WIPF3: variants seen among roughly 807,000 people sequenced by gnomAD.
WIPF3 encodes WAS/WASL interacting protein family member 3.
Under a neutral mutation model 38.9 loss-of-function variants are expected in WIPF3, and 33 were observed. The ratio of observed to expected loss-of-function variants is 0.85; its 90% confidence interval spans 0.64 to 1.14. The LOEUF is 1.14. WIPF3 is among the 50% of genes most tolerant of loss of function. The pLI, the probability that WIPF3 is intolerant of heterozygous loss-of-function variation, is 0.00. For missense variants in WIPF3, 711 were observed against 652.5 expected (o/e 1.09, Z -0.98); for synonymous variants, 324 against 269.3 (o/e 1.20, Z -1.99).
At chr7:29,831,516 A>C (rs766754325) in intron 1 of WIPF3, among the ~76,000 whole-genome samples, 1 of 152,262 alleles carries the variant, frequency 6.6e-6, no homozygotes, top group Admixed American at 6.5e-5. Flanking sequence ...TGTGTTCATG[A>C]CAACTTTCTA....
chr7:29,888,506 T>C (rs71532969), intron 6 of WIPF3, among the ~76,000 whole-genome samples: 65,628 of 132,958 alleles, frequency 0.49, 15,582 homozygotes, highest in East Asian at 0.76. Flanking sequence ...TGTGCGTGTG[T>C]GTGCGTGTGT....
chr7:29,843,589 C>A (rs919923891), intron 2 of WIPF3, among the ~76,000 whole-genome samples: 1 of 152,168 alleles, frequency 6.6e-6, no homozygotes, highest in East Asian at 1.9e-4. Flanking sequence ...AATCTTCTGG[C>A]TCTTTGCCTT....
chr7:29,885,894 C>T (rs1426407755), intron 5 of WIPF3, among the ~76,000 whole-genome samples: 2 of 152,122 alleles, frequency 1.3e-5, no homozygotes, highest in African/African-American at 4.8e-5. Context: ...TAGGTTTCTT[C>T]AATTCTTTTT....
intron 1 of WIPF3, among the ~76,000 whole-genome samples, chr7:29,808,473 C>T (rs1183577040): frequency 2.0e-5 from 3 of 152,192 alleles, no homozygotes; most frequent in African/African-American, 7.2e-5. Context: ...GGGTAACAGC[C>T]TGGGCACACA....
chr7:29,875,564 T>C (rs1239747937), intron 2 of WIPF3, among the ~76,000 whole-genome samples: 1 of 152,036 alleles, frequency 6.6e-6, no homozygotes. Flanking sequence ...GGGGCTATGA[T>C]TTAGGGCTCC....
Position 29,914,555 on chromosome 7 carries a change from C to T in WIPF3, c.*39C>T. On this transcript the variant is annotated 3_prime_UTR_variant, in exon 9 of 9. Transcript: ENST00000242140. ...GCGAAGGTCCTGGGGTTCCAGGTTGCAGAACAACATGTCAGACCCCACCCA... is the reference window on the plus strand; with the variant it reads ...GCGAAGGTCCTGGGGTTCCAGGTTGTAGAACAACATGTCAGACCCCACCCA... The T allele has an allele frequency of 6.8e-7, 1 of 1,478,026 alleles. No homozygotes were observed. The highest frequency in any genetic ancestry group is 9.0e-7 in the Non-Finnish European group (1 of 1,109,128). The allele number at this position is 1,478,026 out of a possible 1,614,324, so 91.6% of individuals were successfully genotyped here.
At chr7:29,854,709 G>A (rs1187374072) in intron 2 of WIPF3, among the ~76,000 whole-genome samples, 8 of 152,190 alleles carry the variant, frequency 5.3e-5, no homozygotes, top group South Asian at 2.1e-4. Flanking sequence ...TGACTCGGTC[G>A]TAGACTCAGC....
chr7:29,874,436 CAG>C (rs773078401), intron 2 of WIPF3, among the ~76,000 whole-genome samples: 1 of 151,898 alleles, frequency 6.6e-6, no homozygotes, highest in South Asian at 2.1e-4. Context: ...ATAAATGTGA[CAG>C]AGGAAAAAGG....
chr7:29,811,780 A>G (rs1215456141), intron 1 of WIPF3, among the ~76,000 whole-genome samples: 1 of 152,228 alleles, frequency 6.6e-6, no homozygotes, highest in Non-Finnish European at 1.5e-5. Context: ...CCGGAGACAT[A>G]ATCCCACACA....
chr7:29,872,798 CAAAAAAAAA>C (rs61693654), intron 2 of WIPF3, among the ~76,000 whole-genome samples: 2 of 31,034 alleles, frequency 6.4e-5, no homozygotes, highest in Non-Finnish European at 1.0e-4. Flanking sequence ...GACTCCATCT[CAAAAAAAAA>C]AAAAAAAAAA....
At chr7:29,868,005 C>A (rs1456026468) in intron 2 of WIPF3, among the ~76,000 whole-genome samples, 1 of 151,958 alleles carries the variant, frequency 6.6e-6, no homozygotes, top group African/African-American at 2.4e-5. Flanking sequence ...AAATAAGAAG[C>A]AAGACCAATA....
intron 2 of WIPF3, among the ~76,000 whole-genome samples, chr7:29,840,819 C>T (rs990871041): frequency 6.6e-6 from 1 of 151,990 alleles, no homozygotes; most frequent in Non-Finnish European, 1.5e-5. Flanking sequence ...AGTGAATATA[C>T]TAAAAAGAAA....
Position 29,884,264 on chromosome 7 carries a change from T to TGGCCCCCCCCCCCC in WIPF3, c.770_771insGGCCCCCCCCCCCC (p.Pro258AlafsTer121). On this transcript the variant is annotated frameshift_variant, in exon 5 of 9. Transcript: ENST00000242140. LOFTEE classifies it high-confidence loss of function. ...AAGCCTCAGCTGGCTCCCTTGCACC[T>TGGCCCCCCCCCCCC]CCCGCCCATCCCGCCCCCGCTCCCT... 1 of 1,315,282 alleles carries TGGCCCCCCCCCCCC rather than the reference T, an allele frequency of 7.6e-7. No individual in the cohort carries two copies. The highest frequency in any genetic ancestry group is 1.3e-5 in the South Asian group (1 of 74,150). The allele number at this position is 1,315,282 out of a possible 1,614,324, so 81.5% of individuals were successfully genotyped here.
At position 29,914,790 on chromosome 7, in the gene WIPF3, G is replaced by A; in HGVS notation, c.*274G>A. ...ATAGAGCCCTGTCCCTCCACCTAGT[G>A]CCCACTCCATGACTGTGAATCTGCT... On this transcript the variant is annotated 3_prime_UTR_variant, in exon 9 of 9. Transcript: ENST00000242140. The A allele has an allele frequency of 3.9e-6, 1 of 259,428 alleles. No individual in the cohort carries two copies. The highest frequency in any genetic ancestry group is 7.3e-6 in the Non-Finnish European group (1 of 137,516). 16.1% of individuals were successfully genotyped at this position (259,428 alleles called of 1,614,324 possible).
At chr7:29,888,289 G>C in intron 6 of WIPF3, 72 bp downstream of exon 6, 1 of 1,524,900 alleles carries the variant, frequency 6.6e-7, no homozygotes, top group South Asian at 1.3e-5. Context: ...TGGAGAGAGA[G>C]TTTGCTGGCC....
chr7:29,904,952 T>C (rs1183108655), intron 8 of WIPF3: 1 of 152,534 alleles, frequency 6.6e-6, no homozygotes, highest in African/African-American at 2.4e-5. Flanking sequence ...CTGGACACAT[T>C]TCCCTGCACA....
intron 2 of WIPF3, among the ~76,000 whole-genome samples, chr7:29,838,733 A>G (rs901719873): frequency 1.2e-4 from 19 of 152,188 alleles, no homozygotes; most frequent in African/African-American, 4.6e-4. Flanking sequence ...TATCCAAGAG[A>G]AGTATGTGCC....
intron 1 of WIPF3, among the ~76,000 whole-genome samples, chr7:29,816,842 T>C (rs1326499046): frequency 4.6e-5 from 7 of 152,200 alleles, no homozygotes; most frequent in Non-Finnish European, 8.8e-5. Flanking sequence ...ATGCTGCAAG[T>C]TTTGTCACTG....
At chr7:29,881,074 A>G (rs567789892) in intron 4 of WIPF3, among the ~76,000 whole-genome samples, 1 of 152,132 alleles carries the variant, frequency 6.6e-6, no homozygotes, top group Non-Finnish European at 1.5e-5. Context: ...GCAGGTGTCC[A>G]CGTGGCTCAG....
Sources: gnomAD v4.1 joint callset for allele counts (sites outside exome capture counted in the v4.1 genomes callset) on GRCh38, gnomAD v4.1.1 for gene constraint, MANE v1.5 for transcripts, NCBI Gene and HGNC (gene_info 2026-07-23, HGNC 2026-07-21) for gene names.